The following HUWE1 variants were observed in gnomAD, a reference collection of about 807,000 sequenced individuals.
HUWE1 encodes HECT, UBA and WWE domain containing E3 ubiquitin protein ligase 1.
In HUWE1, 18 loss-of-function variants were observed where a neutral mutation model predicts 299.4. That is an observed-to-expected ratio of 0.06 (90% CI 0.04 to 0.09). HUWE1 has a LOEUF of 0.09. Among genes scored for constraint, HUWE1 ranks in the 10% least tolerant of loss-of-function variants. The pLI is 1.00. For synonymous variants in HUWE1, 1,317 were observed against 1,286.1 expected (o/e 1.02, Z -0.51); for missense variants, 1,832 against 3,462.3 (o/e 0.53, Z 11.82).
At chrX:53,558,549 G>A (rs1556937367) in intron 59 of HUWE1, 106 bp downstream of exon 59, 7 of 821,841 alleles carry the variant, frequency 8.5e-6, no homozygotes, top group African/African-American at 4.1e-5. Flanking sequence ...CAGGTTCAAC[G>A]TGAACGTTCT....
chrX:53,592,533 G>A lies in HUWE1; in HGVS notation c.3837C>T (p.His1279=). 8.3e-7 allele frequency: 1 copy of A among 1,210,520 alleles called. No individual in the cohort carries two copies. The highest frequency in any genetic ancestry group is 1.1e-6 in the Non-Finnish European group (1 of 894,404). The change falls in exon 33 of 84, where the codon CAC becomes CAT. Residue 1279 remains histidine, a synonymous_variant. Coordinates refer to ENST00000262854, the MANE Select transcript of HUWE1 (RefSeq NM_031407.7). ...MAESMLAILC[H]ILRGEPVIRE... is the part of the protein sequence containing the mutation. ...GAATCACAGGTTCTCCTCGGAGGAT[G>A]TGGCATAGAATGGCCAGCATCGATT... is the stretch of plus-strand genomic sequence containing the variant.
intron 63 of HUWE1, among the ~76,000 whole-genome samples, chrX:53,552,021 G>A (rs1387247779): frequency 1.8e-5 from 2 of 111,549 alleles, no homozygotes; most frequent in Non-Finnish European, 3.8e-5. Flanking sequence ...CTACCACGCA[G>A]ATATCATCAC....
At chrX:53,623,183 C>T (rs1557013817) in intron 19 of HUWE1, among the ~76,000 whole-genome samples, 1 of 110,917 alleles carries the variant, frequency 9.0e-6, no homozygotes, top group African/African-American at 3.3e-5. Flanking sequence ...TATCCTCTTG[C>T]TGCCTCCCTC....
At chrX:53,575,525 T>C in intron 45 of HUWE1, 118 bp downstream of exon 45, 1 of 840,573 alleles carries the variant, frequency 1.2e-6, no homozygotes, top group Non-Finnish European at 1.7e-6. Context: ...CAACAGATAA[T>C]TTACAGATAC....
chrX:53,554,370 T>C (rs1171267316), intron 61 of HUWE1, among the ~76,000 whole-genome samples: 1 of 110,063 alleles, frequency 9.1e-6, no homozygotes, highest in Non-Finnish European at 1.9e-5. Flanking sequence ...TGTTTTTAAA[T>C]AATAAGCCTG....
chrX:53,611,012 C>A (rs2065426295), intron 23 of HUWE1, among the ~76,000 whole-genome samples: 1 of 109,709 alleles, frequency 9.1e-6, no homozygotes, highest in Non-Finnish European at 1.9e-5. Flanking sequence ...AGAAAGGGGG[C>A]AAAAGACAGG....
chrX:53,635,703 G>A (rs2149115623), intron 7 of HUWE1, among the ~76,000 whole-genome samples: 1 of 111,508 alleles, frequency 9.0e-6, no homozygotes, highest in Non-Finnish European at 1.9e-5. Context: ...CCTGTCTAGT[G>A]TGGGTCCCAA....
At chrX:53,652,498 C>T (rs963693756) in intron 4 of HUWE1, among the ~76,000 whole-genome samples, 5 of 111,742 alleles carry the variant, frequency 4.5e-5, no homozygotes, top group Admixed American at 2.8e-4. Context: ...CTTCTATTCT[C>T]GTAGCAGTAG....
intron 43 of HUWE1, chrX:53,579,774 C>A (rs1271223952): frequency 4.0e-5 from 4 of 99,907 alleles, no homozygotes; most frequent in African/African-American, 1.5e-4. Flanking sequence ...GTCATCACCA[C>A]TCCCTAATCT....
intron 15 of HUWE1, 117 bp from the exon 16 acceptor site, chrX:53,627,996 A>G: frequency 1.6e-6 from 1 of 632,003 alleles, no homozygotes; most frequent in Non-Finnish European, 2.5e-6. Context: ...AGTATGGGGG[A>G]AAACATGTGT....
rs2061161537 is a variant in HUWE1 at position 53,538,380 on chromosome X, G to C, written c.11953C>G (p.Leu3985Val). ...TCGAGGACACGAATGTAGTCTACCAGGACAGCAAAAGGCCCATCAGCAAGG... is the reference window on the plus strand; with the variant it reads ...TCGAGGACACGAATGTAGTCTACCACGACAGCAAAAGGCCCATCAGCAAGG... ...THLADGPFAV[L>V]VDYIRVLDFD... Residue 3985 changes from leucine (L) to valine (V), a missense_variant, in exon 77 of 84, where the codon CTG (leucine) becomes GTG (valine). Physicochemically the swap from Leu to Val is conservative, Grantham distance 32 (BLOSUM62 1). This residue lies in a region of HUWE1 where 129 missense variants were observed against 439.4 expected (regional missense o/e 0.29). Coordinates refer to ENST00000262854, the MANE Select transcript of HUWE1 (RefSeq NM_031407.7). 1 of 1,209,364 alleles carries C rather than the reference G, an allele frequency of 8.3e-7. No individual in the cohort carries two copies. The highest frequency in any genetic ancestry group is 2.2e-5 in the Admixed American group (1 of 46,015).
At chrX:53,562,531 C>T (rs1337743359) in intron 53 of HUWE1, among the ~76,000 whole-genome samples, 1 of 111,447 alleles carries the variant, frequency 9.0e-6, no homozygotes, top group African/African-American at 3.3e-5. Context: ...GCCCCCTTGC[C>T]TTTTCAGCCC....
chrX:53,645,740 T>C (rs1180808435), intron 6 of HUWE1, among the ~76,000 whole-genome samples: 6 of 17,544 alleles, frequency 3.4e-4, no homozygotes, highest in Non-Finnish European at 4.6e-4. Flanking sequence ...AAAAAAAATA[T>C]ATATATATAT....
chrX:53,642,545 C>T (rs2067670970), intron 7 of HUWE1, among the ~76,000 whole-genome samples: 1 of 111,698 alleles, frequency 9.0e-6, no homozygotes, highest in Non-Finnish European at 1.9e-5. Flanking sequence ...ACAGAGATCA[C>T]GTTTATGGAA....
chrX:53,637,871 A>G (rs1328461551), intron 7 of HUWE1, among the ~76,000 whole-genome samples: 16 of 111,917 alleles, frequency 1.4e-4, no homozygotes, highest in Admixed American at 1.1e-3. Flanking sequence ...TATCAGGAAG[A>G]CAAGTTTGTT....
intron 3 of HUWE1, among the ~76,000 whole-genome samples, chrX:53,657,105 C>A (rs917615219): frequency 1.5e-4 from 17 of 111,417 alleles, no homozygotes; most frequent in Admixed American, 5.7e-4. Flanking sequence ...TATTTGCAAA[C>A]CATATATAGT....
chrX:53,586,891 C>T lies in HUWE1; in HGVS notation c.4633G>A (p.Ala1545Thr). The change falls in exon 38 of 84, where the codon GCT becomes ACT. Residue 1545 changes from alanine (A) to threonine (T), a missense_variant. Coordinates refer to ENST00000262854, the MANE Select transcript of HUWE1 (RefSeq NM_031407.7). The stretch of plus-strand genomic sequence containing the variant: ...ATGCCACTTGATTCAACCACCCAAG[C>T]ACAAGGTAGCTTCAACTCCTGATAG... ...LLFEELKLPC[A>T]WVVESSGILN... The T allele has an allele frequency of 8.3e-7, 1 of 1,211,266 alleles. No individual in the cohort carries two copies. The highest frequency in any genetic ancestry group is 1.1e-6 in the Non-Finnish European group (1 of 895,166).
chrX:53,585,357 C>T (rs2063805814), intron 39 of HUWE1, among the ~76,000 whole-genome samples, 169 bp from the exon 40 acceptor site: 1 of 112,488 alleles, frequency 8.9e-6, no homozygotes, highest in Non-Finnish European at 1.9e-5. Flanking sequence ...CTCTCACATT[C>T]CTTAGTCTCT....
intron 3 of HUWE1, among the ~76,000 whole-genome samples, chrX:53,678,937 CAG>C (rs2069977783): frequency 9.0e-6 from 1 of 111,674 alleles, no homozygotes; most frequent in Non-Finnish European, 1.9e-5. Context: ...GGTATCAAAT[CAG>C]ACTTTGCCAC....
Sources: gnomAD v4.1 joint callset for allele counts (sites outside exome capture counted in the v4.1 genomes callset) on GRCh38, gnomAD v4.1.1 for gene constraint, gnomAD v4.1.1 regional missense constraint, MANE v1.5 for transcripts, NCBI Gene and HGNC (gene_info 2026-07-23, HGNC 2026-07-21) for gene names.